ZC3H12B: variants seen among roughly 807,000 people sequenced by gnomAD.
ZC3H12B encodes the protein probable ribonuclease ZC3H12B.
A neutral mutation model predicts 43.9 loss-of-function variants in ZC3H12B; 7 were observed. That is an observed-to-expected ratio of 0.16 (90% CI 0.09 to 0.30). ZC3H12B has a LOEUF of 0.30. Ranked by LOEUF, ZC3H12B falls within the 10% of genes least tolerant of loss-of-function variation. The pLI is 1.00. For missense variants in ZC3H12B, 475 were observed against 670.2 expected, an observed-to-expected ratio of 0.71 and a Z score of 3.22; for synonymous variants, 222 against 241.7, an observed-to-expected ratio of 0.92 and a Z score of 0.76.
intron 3 of ZC3H12B, among the ~76,000 whole-genome samples, chrX:65,428,779 C>T (rs1172215812): frequency 8.9e-6 from 1 of 112,370 alleles, no homozygotes; most frequent in Non-Finnish European, 1.9e-5. Context: ...AGCCTCAGCC[C>T]AGTTCTGAGC....
chrX:65,355,312 A>G, the ZC3H12B span, among the ~76,000 whole-genome samples: 3 of 112,014 alleles, frequency 2.7e-5, no homozygotes, highest in Admixed American at 9.5e-5. Flanking sequence ...AATATTCAAC[A>G]TTCTTTTTCT....
the ZC3H12B span, among the ~76,000 whole-genome samples, chrX:65,335,010 A>G: frequency 9.0e-6 from 1 of 111,631 alleles, no homozygotes; most frequent in Non-Finnish European, 1.9e-5. Flanking sequence ...ACGTGCAGAG[A>G]GTGGAGTATT....
chrX:65,429,967 T>G (rs1420375681), intron 3 of ZC3H12B, among the ~76,000 whole-genome samples: 1 of 111,996 alleles, frequency 8.9e-6, no homozygotes, highest in Non-Finnish European at 1.9e-5. Flanking sequence ...TCAGGCAGAC[T>G]CCACCCAGTT....
At chrX:65,159,645 G>T in the ZC3H12B span, among the ~76,000 whole-genome samples, 1 of 111,913 alleles carries the variant, frequency 8.9e-6, no homozygotes, top group Admixed American at 9.5e-5. Context: ...TTGCTTATCA[G>T]CTTAAGGAGA....
chrX:65,057,838 T>G, the ZC3H12B span, among the ~76,000 whole-genome samples: 3 of 112,007 alleles, frequency 2.7e-5, no homozygotes, highest in African/African-American at 9.7e-5. Context: ...TCATTTGATC[T>G]TCCATCACTG....
At chrX:65,353,281 T>C in the ZC3H12B span, among the ~76,000 whole-genome samples, 1 of 111,226 alleles carries the variant, frequency 9.0e-6, no homozygotes, top group East Asian at 2.8e-4. Flanking sequence ...AAAACAGAGA[T>C]CACTTCCTCT....
chrX:65,165,030 A>G, the ZC3H12B span, among the ~76,000 whole-genome samples: 186 of 112,082 alleles, frequency 1.7e-3, no homozygotes, highest in Non-Finnish European at 2.5e-3. Context: ...GAACATAGAG[A>G]AAATGAAGTG....
chrX:65,053,978 A>G, the ZC3H12B span, among the ~76,000 whole-genome samples: 5 of 102,159 alleles, frequency 4.9e-5, no homozygotes, highest in Non-Finnish European at 8.3e-5. Context: ...TTGTAAATTT[A>G]TTTGAGTTCA....
chrX:65,234,053 A>C, the ZC3H12B span, among the ~76,000 whole-genome samples: 1 of 111,335 alleles, frequency 9.0e-6, no homozygotes. Flanking sequence ...GACCGGACAA[A>C]AACAACACAA....
intron 3 of ZC3H12B, among the ~76,000 whole-genome samples, chrX:65,435,506 G>T (rs990400904): frequency 6.3e-5 from 7 of 111,597 alleles, no homozygotes; most frequent in Non-Finnish European, 1.1e-4. Flanking sequence ...ATTTTTAAGT[G>T]TGATGACATT....
the ZC3H12B span, among the ~76,000 whole-genome samples, chrX:65,062,105 C>A: frequency 1.8e-5 from 2 of 112,130 alleles, no homozygotes; most frequent in Admixed American, 1.9e-4. Flanking sequence ...TTCTCCCAAT[C>A]TGCAGATTGC....
chrX:65,243,723 T>C, the ZC3H12B span, among the ~76,000 whole-genome samples: 1 of 112,366 alleles, frequency 8.9e-6, no homozygotes, highest in Non-Finnish European at 1.9e-5. Context: ...TCAACCTAAG[T>C]GTCTATCAAT....
chrX:65,038,542 C>G, the ZC3H12B span, among the ~76,000 whole-genome samples: 1 of 111,471 alleles, frequency 9.0e-6, no homozygotes, highest in African/African-American at 3.3e-5. Context: ...TTGTACATTT[C>G]TGGTCTTATG....
At chrX:65,113,728 G>A in the ZC3H12B span, among the ~76,000 whole-genome samples, 4 of 109,220 alleles carry the variant, frequency 3.7e-5, no homozygotes, top group African/African-American at 1.3e-4. Context: ...TGTCAACATC[G>A]AGGAAAGACC....
the ZC3H12B span, among the ~76,000 whole-genome samples, chrX:65,300,833 C>T: frequency 9.0e-6 from 1 of 111,356 alleles, no homozygotes; most frequent in Non-Finnish European, 1.9e-5. Context: ...CACTCCCCTG[C>T]TACTTTTTAA....
chrX:65,082,652 T>C, the ZC3H12B span, among the ~76,000 whole-genome samples: 1 of 111,192 alleles, frequency 9.0e-6, no homozygotes, highest in Non-Finnish European at 1.9e-5. Flanking sequence ...GCCTGGGAGC[T>C]GATGGCTTCA....
chrX:65,101,830 C>A, the ZC3H12B span, among the ~76,000 whole-genome samples: 1 of 112,199 alleles, frequency 8.9e-6, no homozygotes, highest in Non-Finnish European at 1.9e-5. Flanking sequence ...GCCATTCCTT[C>A]TGATACTATT....
chrX:65,323,731 A>G, the ZC3H12B span, among the ~76,000 whole-genome samples: 1 of 111,722 alleles, frequency 9.0e-6, no homozygotes, highest in Non-Finnish European at 1.9e-5. Flanking sequence ...GCTGGGTCAA[A>G]TGGTATTTCT....
intron 3 of ZC3H12B, among the ~76,000 whole-genome samples, chrX:65,424,237 A>G: frequency 8.9e-6 from 1 of 112,025 alleles, no homozygotes; most frequent in Non-Finnish European, 1.9e-5. Flanking sequence ...GGTATTTTTT[A>G]AATGTTTGTT....
Sources: gnomAD v4.1 joint callset for allele counts (sites outside exome capture counted in the v4.1 genomes callset) on GRCh38, gnomAD v4.1.1 for gene constraint, MANE v1.5 for transcripts, NCBI Gene and HGNC (gene_info 2026-07-23, HGNC 2026-07-21) for gene names.